Variants in PCDHGB1 observed in about 807,000 individuals in gnomAD.
PCDHGB1 encodes protocadherin gamma subfamily B, 1.
In PCDHGB1, 34 loss-of-function variants were observed where a neutral mutation model predicts 56.6. The observed-to-expected ratio is 0.60, with a 90% CI of 0.46 to 0.80. The LOEUF (loss-of-function observed/expected upper bound fraction) is 0.80. PCDHGB1 is among the 30% of genes least tolerant of loss of function. The pLI, the probability that PCDHGB1 is intolerant of heterozygous loss-of-function variation, is 0.00. For missense variants in PCDHGB1, 1,278 were observed against 1,204.6 expected (o/e 1.06, Z -0.90); for synonymous variants, 561 against 505.9 (o/e 1.11, Z -1.46).
rs1399367534 is a variant in PCDHGB1 at position 141,487,098 on chromosome 5, A to G, written c.2410-7709A>G. 6.2e-7 allele frequency: 1 copy of G among 1,613,778 alleles called. No homozygotes were observed. The highest frequency in any genetic ancestry group is 8.5e-7 in the Non-Finnish European group (1 of 1,179,788). On this transcript the variant is annotated intron_variant, in intron 1 of 3. Transcript: ENST00000523390. The surrounding 1 kb of genome is among the most constrained non-coding windows in gnomAD (Gnocchi z 5.0). ...ATCCCAGCTGACCTCCCACCACAGA[A>G]GCTGGTCATTGTGGTAAAGGATAGT...
Position 141,431,420 on chromosome 5 carries a change from G to C in PCDHGB1, c.2410-63387G>C, listed in dbSNP as rs780266425. The C allele has an allele frequency of 8.1e-6, 13 of 1,613,592 alleles. No individual in the cohort carries two copies. Among genetic ancestry groups the C allele is most frequent in the East Asian group, 2.2e-5 (1 of 44,902 alleles). ...TACGGCCTCCGACGGGGGCGACCCG[G>C]TGCGCACAGGCACCGCGCGCATCCG... is the stretch of plus-strand genomic sequence containing the variant. On this transcript the variant is annotated intron_variant, in intron 1 of 3. Transcript: ENST00000523390. This position sits in a 1 kb window ranked among gnomAD's most constrained non-coding sequence, Gnocchi z 4.8.
intron 1 of PCDHGB1, chr5:141,389,294 A>C: frequency 1.2e-6 from 2 of 1,613,964 alleles, no homozygotes; most frequent in Non-Finnish European, 8.5e-7. Flanking sequence ...CCTCTATTTC[A>C]CAAGTCAGGG....
At chr5:141,369,364 A>G (rs1766184094) in intron 1 of PCDHGB1, among the ~76,000 whole-genome samples, 2 of 152,320 alleles carry the variant, frequency 1.3e-5, no homozygotes, top group African/African-American at 4.8e-5. Context: ...ATGAAAAAAC[A>G]TCCTTTGTAA....
At chr5:141,360,723 A>C in intron 1 of PCDHGB1, 4 of 1,614,006 alleles carry the variant, frequency 2.5e-6, no homozygotes, top group Non-Finnish European at 3.4e-6. Context: ...AGTTGATTCT[A>C]AAACACTCTC....
chr5:141,355,405 A>C (rs759129732), intron 1 of PCDHGB1: 1 of 1,614,100 alleles, frequency 6.2e-7, no homozygotes, highest in Non-Finnish European at 8.5e-7. Flanking sequence ...CATCGTCTCC[A>C]GAGGTAGGAC....
intron 1 of PCDHGB1, among the ~76,000 whole-genome samples, chr5:141,380,102 G>C (rs1776217775): frequency 6.6e-6 from 1 of 151,848 alleles, no homozygotes; most frequent in Non-Finnish European, 1.5e-5. Flanking sequence ...GTTTTACCAT[G>C]ATGGCCAGGC....
chr5:141,504,315 A>G (rs573050088), intron 2 of PCDHGB1, among the ~76,000 whole-genome samples: 1 of 152,248 alleles, frequency 6.6e-6, no homozygotes, highest in East Asian at 1.9e-4. Flanking sequence ...AGTTTCTAAA[A>G]GTCTCACTTA....
chr5:141,485,274 C>T lies in PCDHGB1; in HGVS notation c.2410-9533C>T. On this transcript the variant is annotated intron_variant, in intron 1 of 3. Transcript: ENST00000523390. The surrounding 1 kb of genome is among the most constrained non-coding windows in gnomAD (Gnocchi z 5.7). Reference sequence around the variant, plus strand: ...TACGTTTGTGGGCAGATCCGCTACCCGGTCCCAGAGGAGTCACAGGAAGGG... The same window carrying T: ...TACGTTTGTGGGCAGATCCGCTACCTGGTCCCAGAGGAGTCACAGGAAGGG... The T allele has an allele frequency of 6.2e-7, 1 of 1,614,106 alleles. No individual in the cohort carries two copies. Among genetic ancestry groups the T allele is most frequent in the South Asian group, 1.1e-5 (1 of 91,086 alleles).
intron 1 of PCDHGB1, among the ~76,000 whole-genome samples, chr5:141,434,049 A>G (rs868088310): frequency 2.0e-5 from 3 of 152,116 alleles, no homozygotes; most frequent in Non-Finnish European, 2.9e-5. Flanking sequence ...ATTTTATTCA[A>G]TGGCCTGTAA....
chr5:141,410,440 G>A, intron 1 of PCDHGB1: 1 of 1,614,036 alleles, frequency 6.2e-7, no homozygotes, highest in Non-Finnish European at 8.5e-7. Context: ...ACAGTGAGGG[G>A]ACTTTGCCTT....
intron 1 of PCDHGB1, among the ~76,000 whole-genome samples, chr5:141,483,057 C>T (rs1329609397): frequency 6.6e-6 from 1 of 152,028 alleles, no homozygotes; most frequent in African/African-American, 2.4e-5. Flanking sequence ...TGCACTCCAG[C>T]ATGGGCAACA....
chr5:141,484,647 G>C (rs556711906), intron 1 of PCDHGB1, among the ~76,000 whole-genome samples: 1 of 151,948 alleles, frequency 6.6e-6, no homozygotes, highest in African/African-American at 2.4e-5. Context: ...CTCTCCAATG[G>C]CTACTCTCCC....
chr5:141,408,851 G>T, intron 1 of PCDHGB1: 4 of 1,613,574 alleles, frequency 2.5e-6, no homozygotes, highest in African/African-American at 1.3e-5. Context: ...TGCCTTGGAC[G>T]GAGGGGACCC....
intron 1 of PCDHGB1, chr5:141,385,038 G>T (rs377185831): frequency 1.2e-6 from 2 of 1,614,020 alleles, no homozygotes; most frequent in Admixed American, 1.7e-5. Context: ...TACTGCTGGC[G>T]CTCAGGCTGC....
chr5:141,370,898 GC>G (rs752324204), intron 1 of PCDHGB1: 10 of 1,614,062 alleles, frequency 6.2e-6, no homozygotes, highest in Non-Finnish European at 8.5e-6. Context: ...ATTCGCTGCA[GC>G]AGTACTACCT....
In PCDHGB1 at chr5:141,357,036, C is replaced by A. The variant is rs765676515; in HGVS notation, c.2409+4367C>A. 5.6e-5 allele frequency: 90 copies of A among 1,614,042 alleles called. 2 individuals carry two copies. In the South Asian group the frequency reaches 8.8e-4, roughly 16 times the overall value. ...TGTCCTACAGCCTACTCAAGTCCAG[C>A]GAGCCGGGACTATTTGCAGTGGGGC... On this transcript the variant is annotated intron_variant, in intron 1 of 3. Transcript: ENST00000523390.
chr5:141,422,043 G>A (rs1307532347), intron 1 of PCDHGB1: 13 of 1,611,504 alleles, frequency 8.1e-6, no homozygotes, highest in African/African-American at 1.3e-5. Flanking sequence ...ATCCAGACGA[G>A]GGAATCAACG....
intron 1 of PCDHGB1, chr5:141,383,852 A>G (rs1162643765): frequency 1.9e-6 from 3 of 1,613,966 alleles, no homozygotes; most frequent in East Asian, 4.5e-5. Context: ...TATGAAATGG[A>G]GGTTCAGGCT....
In PCDHGB1 at chr5:141,503,604, A is replaced by G. The variant is rs189211439; in HGVS notation, c.2469-1789A>G. 5.2e-3 allele frequency among the ~76,000 whole-genome samples: 793 copies of G among 151,946 alleles called. 3 individuals carry two copies. The highest frequency in any genetic ancestry group is 8.3e-3 in the Non-Finnish European group (566 of 67,924). On this transcript the variant is annotated intron_variant, in intron 2 of 3. Coordinates refer to ENST00000523390, the MANE Select transcript of PCDHGB1 (RefSeq NM_018922.3). ...ACAGAGCGAGACTCCAGCTCAAAAA[A>G]AAAAAAAAAAGAAAAAAGAAAAGAA...
Sources: allele counts gnomAD v4.1 joint callset (sites outside exome capture counted in the v4.1 genomes callset), GRCh38; gene constraint gnomAD v4.1.1; non-coding constraint Gnocchi (gnomAD v3.1); transcripts MANE v1.5; gene names NCBI Gene and HGNC (gene_info 2026-07-23, HGNC 2026-07-21).